THOC6: variants seen among roughly 807,000 people sequenced by gnomAD.
THOC6 encodes THO complex subunit 6, also known as THO complex 6.
THOC6 carries 39 observed loss-of-function variants against 55.8 expected under a neutral mutation model. The observed-to-expected ratio is 0.70, with a 90% confidence interval of 0.54 to 0.91. THOC6 has a LOEUF of 0.91. Among genes scored for constraint, THOC6 ranks in the 40% least tolerant of loss-of-function variants. The pLI is 0.00. For missense variants in THOC6, 482 were observed against 442.0 expected, an observed-to-expected ratio of 1.09 and a Z score of -0.81; for synonymous variants, 192 against 175.6, an observed-to-expected ratio of 1.09 and a Z score of -0.74.
At position 3,025,774 on chromosome 16, in the gene THOC6, G is replaced by A; in HGVS notation, c.106G>A (p.Gly36Arg). 1 of 1,614,234 alleles carries A rather than the reference G, an allele frequency of 6.2e-7. No individual in the cohort carries two copies. Among genetic ancestry groups the A allele is most frequent in the Non-Finnish European group, 8.5e-7 (1 of 1,180,046 alleles). The change falls in exon 2 of 13, where the codon GGG becomes AGG. Residue 36 changes from glycine (G) to arginine (R), a missense_variant. By Grantham distance (125) the Gly-to-Arg change is moderately radical. Coordinates refer to ENST00000326266, the MANE Select transcript of THOC6 (RefSeq NM_024339.5). ...CTTCTCCCAGAGCGTCTCACCATGTGGGAAGTTTCTGGCGGCTGGCAACAA... is the reference window on the plus strand; with the variant it reads ...CTTCTCCCAGAGCGTCTCACCATGTAGGAAGTTTCTGGCGGCTGGCAACAA... Reference protein sequence around the residue: ...TIFSQSVSPCGKFLAAGNNYG... With the variant: ...TIFSQSVSPCRKFLAAGNNYG...
At position 3,027,392 on chromosome 16, in the gene THOC6, C is replaced by T. The variant is rs146682486; in HGVS notation, c.837C>T (p.Cys279=). ...DLILSAGQGR[C]VNQWQLSGEL... ...TTCTGTCAGCTGGCCAGGGCCGCTG[C>T]GTCAACCAGTGGCAGCTGAGCGGGG... Residue 279 remains cysteine, a synonymous_variant, in exon 12 of 13, where the codon TGC becomes TGT. Coordinates refer to ENST00000326266, the MANE Select transcript of THOC6 (RefSeq NM_024339.5). 79 of 1,612,464 alleles carry T rather than the reference C, an allele frequency of 4.9e-5. No homozygotes were observed. Among genetic ancestry groups the T allele is most frequent in the East Asian group, 1.8e-4 (8 of 44,892 alleles).
Position 3,024,176 on chromosome 16 carries a change from C to G in THOC6, c.-151C>G. The G allele has an allele frequency of 1.1e-6, 1 of 933,246 alleles. No homozygotes were observed. Among genetic ancestry groups the G allele is most frequent in the Non-Finnish European group, 1.6e-6 (1 of 609,876 alleles). 57.8% of individuals were successfully genotyped at this position (933,246 alleles called of 1,614,324 possible). A position where few individuals can be genotyped will look rare whatever the true frequency, so the allele number is the denominator to read the frequency against. Reference sequence around the variant, plus strand: ...CTTAATGTCGGGGGTCTTCGCGGCGCTCACCTCGGCTCCTAGGGTTCGGGA... The same window carrying G: ...CTTAATGTCGGGGGTCTTCGCGGCGGTCACCTCGGCTCCTAGGGTTCGGGA... On this transcript the variant is annotated 5_prime_UTR_variant, in exon 1 of 13. Transcript: ENST00000326266.
In THOC6 at chr16:3,026,745, C is replaced by T. The variant is rs1326661577; in HGVS notation, c.550C>T (p.Leu184=). Residue 184 remains leucine, a synonymous_variant, in exon 8 of 13, where the codon CTG becomes TTG. Coordinates refer to ENST00000326266, the MANE Select transcript of THOC6 (RefSeq NM_024339.5). ...LALRERSPEV[L]SGGEDGAVRL... is the part of the protein sequence containing the mutation. ...ACTGCGGGAAAGGAGCCCAGAGGTG[C>T]TGTCAGGTGGCGAGGATGGAGCTGT... 1.9e-6 allele frequency: 3 copies of T among 1,613,792 alleles called. No homozygotes were observed. The highest frequency in any genetic ancestry group is 1.3e-5 in the African/African-American group (1 of 74,912).
In THOC6 at chr16:3,025,908, TC is replaced by T; in HGVS notation, c.156-14del. On this transcript the variant is annotated splice_polypyrimidine_tract_variant and intron_variant, in intron 2 of 12. Coordinates refer to ENST00000326266, the MANE Select transcript of THOC6 (RefSeq NM_024339.5). ...CCCCGTTTCTGACTCCTGGGTCCCC[TC>T]CGCTGTCCCTGCAGCTTGTCCTCTG... 1.2e-6 allele frequency: 2 copies of T among 1,614,186 alleles called. No individual in the cohort carries two copies. The highest frequency in any genetic ancestry group is 2.2e-5 in the South Asian group (2 of 91,088).
chr16:3,025,914 G>T lies in THOC6; in HGVS notation c.156-10G>T. 6.2e-7 allele frequency: 1 copy of T among 1,614,234 alleles called. No individual in the cohort carries two copies. The highest frequency in any genetic ancestry group is 8.5e-7 in the Non-Finnish European group (1 of 1,180,048). ...TTCTGACTCCTGGGTCCCCTCCGCTGTCCCTGCAGCTTGTCCTCTGCTTTG... is the reference window on the plus strand; with the variant it reads ...TTCTGACTCCTGGGTCCCCTCCGCTTTCCCTGCAGCTTGTCCTCTGCTTTG... On this transcript the variant is annotated splice_polypyrimidine_tract_variant and intron_variant, in intron 2 of 12. Transcript: ENST00000326266.
At chr16:3,024,937 AT>A (rs35849212) in intron 1 of THOC6, among the ~76,000 whole-genome samples, 25,994 of 102,306 alleles carry the variant, frequency 0.25, 2,790 homozygotes, top group African/African-American at 0.31. Flanking sequence ...GCCCGGCCAA[AT>A]TTTTTTTTTT....
rs1567415080 is a variant in THOC6, at chr16:3,025,924, C to T, written c.156C>T (p.Ser52=). 6.2e-7 allele frequency: 1 copy of T among 1,614,232 alleles called. No individual in the cohort carries two copies. Among genetic ancestry groups the T allele is most frequent in the Non-Finnish European group, 8.5e-7 (1 of 1,180,048 alleles). The part of the protein sequence containing the change: ...GNNYGQIAIF[S]LSSALSSEAK... Reference sequence around the variant, plus strand: ...TGGGTCCCCTCCGCTGTCCCTGCAGCTTGTCCTCTGCTTTGAGCTCAGAAG... The same window carrying T: ...TGGGTCCCCTCCGCTGTCCCTGCAGTTTGTCCTCTGCTTTGAGCTCAGAAG... The change falls in exon 3 of 13, where the codon AGC becomes AGT. Residue 52 remains serine (S), a splice_region_variant and synonymous_variant. Coordinates refer to ENST00000326266, the MANE Select transcript of THOC6 (RefSeq NM_024339.5).
chr16:3,027,425 G>T lies in THOC6; in HGVS notation c.870G>T (p.Lys290Asn). 1 of 1,612,194 alleles carries T rather than the reference G, an allele frequency of 6.2e-7. No individual in the cohort carries two copies. Among genetic ancestry groups the T allele is most frequent in the Non-Finnish European group, 8.5e-7 (1 of 1,179,548 alleles). The change falls in exon 12 of 13, where the codon AAG (lysine) becomes AAT (asparagine). Residue 290 changes from lysine to asparagine, a missense_variant. By Grantham distance (94) the Lys-to-Asn change is moderately conservative. Transcript: ENST00000326266. ...VNQWQLSGEL[K>N]AQVPGSSPGL... ...AGTGGCAGCTGAGCGGGGAGCTGAA[G>T]GCCCAGGTGCCTGGCTCCTCCCCAG...
In THOC6 at chr16:3,024,128, G is replaced by T. The variant is rs1355661305; in HGVS notation, c.-199G>T. On this transcript the variant is annotated 5_prime_UTR_variant, in exon 1 of 13. In the 5' UTR this introduces an upstream ATG that the reference lacks. Transcript: ENST00000326266. ...GGGTGGGGGAGGGTATCCGGCTTAA[G>T]GGGGCTGCGGTGGACACCACTTCTT... 5 of 720,574 alleles carry T rather than the reference G, an allele frequency of 6.9e-6. No homozygotes were observed. Among genetic ancestry groups the T allele is most frequent in the Non-Finnish European group, 1.1e-5 (5 of 436,392 alleles). 44.6% of individuals were successfully genotyped at this position (720,574 alleles called of 1,614,324 possible). A position where few individuals can be genotyped will look rare whatever the true frequency, so the allele number is the denominator to read the frequency against.
Position 3,026,182 on chromosome 16 carries a change from T to G in THOC6, c.324+16T>G. The G allele has an allele frequency of 6.2e-7, 1 of 1,611,956 alleles. No homozygotes were observed. The highest frequency in any genetic ancestry group is 8.5e-7 in the Non-Finnish European group (1 of 1,178,470). On this transcript the variant is annotated intron_variant, in intron 4 of 12. Transcript: ENST00000326266. ...GCTCAAGAAGGTAAGGAGTCGAGCT[T>G]GGGAAAGGGCTGGGGTGCCTGGACC...
chr16:3,027,738 TC>T lies in THOC6; in HGVS notation c.*82del. ...TTTTTTTTTTTTTTACAATAAAGTT[TC>T]AGGCTTTTTTACCATGCTCTTTCTT... On this transcript the variant is annotated 3_prime_UTR_variant, in exon 13 of 13. Transcript: ENST00000326266. 1 of 1,460,576 alleles carries T rather than the reference TC, an allele frequency of 6.8e-7. No homozygotes were observed. The highest frequency in any genetic ancestry group is 9.2e-7 in the Non-Finnish European group (1 of 1,088,196). The allele number at this position is 1,460,576 out of a possible 1,614,324, so 90.5% of individuals were successfully genotyped here. A position where few individuals can be genotyped will look rare whatever the true frequency, so the allele number is the denominator to read the frequency against.
chr16:3,027,357 C>G lies in THOC6; in HGVS notation c.811-9C>G, dbSNP rs913129924. 1 of 1,613,336 alleles carries G rather than the reference C, an allele frequency of 6.2e-7. No homozygotes were observed. The highest frequency in any genetic ancestry group is 1.1e-5 in the South Asian group (1 of 91,050). ...CCTGACCCCTGAGCACCTTCCCTGT[C>G]CTCTGCAGATTCTGTCAGCTGGCCA... On this transcript the variant is annotated splice_polypyrimidine_tract_variant and intron_variant, in intron 11 of 12. Transcript: ENST00000326266.
rs2072829493 is a variant in THOC6 at position 3,027,482 on chromosome 16, T to C, written c.927T>C (p.Pro309=). ...GLLSLSLNQQ[P]AAPECKVLTA... ...TCAGCCTCAGCCTCAACCAGCAGCCTGCCGCGCCTGAGTGCAAGGTGGGTC... is the reference window on the plus strand; with the variant it reads ...TCAGCCTCAGCCTCAACCAGCAGCCCGCCGCGCCTGAGTGCAAGGTGGGTC... Residue 309 remains proline, a synonymous_variant, in exon 12 of 13, where the codon CCT becomes CCC. Coordinates refer to ENST00000326266, the MANE Select transcript of THOC6 (RefSeq NM_024339.5). The C allele has an allele frequency of 6.2e-7, 1 of 1,609,994 alleles. No individual in the cohort carries two copies. The highest frequency in any genetic ancestry group is 1.3e-5 in the African/African-American group (1 of 74,880).
rs970224258 is a variant in THOC6, at chr16:3,027,498, A to G, written c.943A>G (p.Lys315Glu). 1.2e-6 allele frequency: 2 copies of G among 1,611,356 alleles called. No homozygotes were observed. Among genetic ancestry groups the G allele is most frequent in the Non-Finnish European group, 1.7e-6 (2 of 1,178,566 alleles). ...CCAGCAGCCTGCCGCGCCTGAGTGC[A>G]AGGTGGGTCCGGCAGGGGCCGCGGA... ...LNQQPAAPEC[K>E]VLTAAGNSCR... The change falls in exon 12 of 13, where the codon AAG (lysine) becomes GAG (glutamate). Residue 315 changes from lysine to glutamate, a missense_variant and splice_region_variant. Physicochemically the swap from Lys to Glu is moderately conservative, Grantham distance 56. Coordinates refer to ENST00000326266, the MANE Select transcript of THOC6 (RefSeq NM_024339.5).
intron 11 of THOC6, 40 bp from the exon 12 acceptor site, chr16:3,027,326 T>C: frequency 6.2e-7 from 1 of 1,614,084 alleles, no homozygotes; most frequent in Non-Finnish European, 8.5e-7. Context: ...GACTCTTCCC[T>C]TCAGTCCTGA....
At position 3,026,556 on chromosome 16, in the gene THOC6, A is replaced by G; in HGVS notation, c.452A>G (p.His151Arg). 6.2e-7 allele frequency: 1 copy of G among 1,614,060 alleles called. No homozygotes were observed. Among genetic ancestry groups the G allele is most frequent in the Non-Finnish European group, 8.5e-7 (1 of 1,180,002 alleles). Residue 151 changes from histidine (H) to arginine (R), a missense_variant, in exon 7 of 13, where the codon CAC becomes CGC. Coordinates refer to ENST00000326266, the MANE Select transcript of THOC6 (RefSeq NM_024339.5). ...LILAGGDCQL[H>R]TMDLETGTFT... ...CTGGCTGGGGGAGACTGTCAGTTGC[A>G]CACTATGGACCTTGAAACTGGGACT...
chr16:3,026,906 A>G lies in THOC6; in HGVS notation c.626A>G (p.Tyr209Cys), dbSNP rs973852407. 6 of 1,614,200 alleles carry G rather than the reference A, an allele frequency of 3.7e-6. No individual in the cohort carries two copies. Among genetic ancestry groups the G allele is most frequent in the Middle Eastern group, 1.6e-4 (1 of 6,062 alleles). Reference sequence around the variant, plus strand: ...AAGGAGGTCCAGACGATCGAGGTCTATAAGCACGAGGTGAGGGTGTGACCG... The same window carrying G: ...AAGGAGGTCCAGACGATCGAGGTCTGTAAGCACGAGGTGAGGGTGTGACCG... ...TAKEVQTIEVYKHEECSRPHN... is the reference protein window; with the variant it reads ...TAKEVQTIEVCKHEECSRPHN... Residue 209 changes from tyrosine (Y) to cysteine (C), a missense_variant, in exon 9 of 13, where the codon TAT (tyrosine) becomes TGT (cysteine). Transcript: ENST00000326266.
Position 3,025,722 on chromosome 16 carries a change from G to A in THOC6, c.54G>A (p.Gln18=). 2 of 1,614,030 alleles carry A rather than the reference G, an allele frequency of 1.2e-6. No individual in the cohort carries two copies. Among genetic ancestry groups the A allele is most frequent in the Non-Finnish European group, 1.7e-6 (2 of 1,179,940 alleles). ...TTTCCCTGCAGACAGAGGTGTTCCA[G>A]GCCTTGCAGCGGCTCCATATGACCA... ...AVPLGQTEVF[Q]ALQRLHMTIF... is the part of the protein sequence containing the mutation. Residue 18 remains glutamine (Q), a synonymous_variant, in exon 2 of 13, where the codon CAG becomes CAA. Coordinates refer to ENST00000326266, the MANE Select transcript of THOC6 (RefSeq NM_024339.5).
Position 3,027,027 on chromosome 16 carries a change from A to C in THOC6, c.653A>C (p.His218Pro). The change falls in exon 10 of 13, where the codon CAC (histidine) becomes CCC (proline). Residue 218 changes from histidine (H) to proline (P), a missense_variant. His to Pro is a moderately conservative substitution (Grantham distance 77). Coordinates refer to ENST00000326266, the MANE Select transcript of THOC6 (RefSeq NM_024339.5). ...CCATCCCAGGAGTGCTCGAGGCCCCACAATGGGCGCTGGATTGGATGTTTG... is the reference window on the plus strand; with the variant it reads ...CCATCCCAGGAGTGCTCGAGGCCCCCCAATGGGCGCTGGATTGGATGTTTG... ...VYKHEECSRPHNGRWIGCLAT... is the reference protein window; with the variant it reads ...VYKHEECSRPPNGRWIGCLAT... 1.2e-6 allele frequency: 2 copies of C among 1,614,120 alleles called. No individual in the cohort carries two copies. The highest frequency in any genetic ancestry group is 1.7e-6 in the Non-Finnish European group (2 of 1,180,028).
Sources: allele counts gnomAD v4.1 joint callset (sites outside exome capture counted in the v4.1 genomes callset), GRCh38; gene constraint gnomAD v4.1.1; transcripts MANE v1.5; gene names NCBI Gene and HGNC (gene_info 2026-07-23, HGNC 2026-07-21).